C14orf93: variants seen among roughly 807,000 people sequenced by gnomAD.
C14orf93 encodes the protein uncharacterized protein C14orf93.
Under a neutral mutation model 44.0 loss-of-function variants are expected in C14orf93, and 23 were observed. The observed-to-expected ratio is 0.52, with a 90% CI of 0.38 to 0.74. The LOEUF is 0.74. C14orf93 is among the 30% of genes least tolerant of loss of function. The pLI is 0.00. For missense variants in C14orf93, 579 were observed against 678.9 expected (o/e 0.85, Z 1.64); for synonymous variants, 253 against 265.7 (o/e 0.95, Z 0.46).
intron 5 of C14orf93, among the ~76,000 whole-genome samples, chr14:22,989,242 C>T (rs1458080705): frequency 6.6e-6 from 1 of 152,214 alleles, no homozygotes; most frequent in Non-Finnish European, 1.5e-5. Context: ...ATCCTCCTGC[C>T]CTGGCTTCCC....
intron 1 of C14orf93, among the ~76,000 whole-genome samples, chr14:23,000,521 G>T (rs1245077022): frequency 1.3e-5 from 2 of 152,022 alleles, no homozygotes; most frequent in Non-Finnish European, 2.9e-5. Flanking sequence ...TTTGAGACCA[G>T]CCTGACTAAC....
intron 3 of C14orf93, among the ~76,000 whole-genome samples, chr14:22,994,869 A>G (rs1332288449): frequency 6.6e-6 from 1 of 152,108 alleles, no homozygotes; most frequent in Non-Finnish European, 1.5e-5. Flanking sequence ...TGTCGTGTGC[A>G]CTGCAGGATG....
At chr14:23,003,514 G>T (rs1267279088) in intron 1 of C14orf93, among the ~76,000 whole-genome samples, 1 of 152,146 alleles carries the variant, frequency 6.6e-6, no homozygotes, top group Admixed American at 6.6e-5. Context: ...GCTGGGCCAG[G>T]CACGTGGCTT....
chr14:23,003,857 C>CATATATATATATATAT (rs1176882717), intron 1 of C14orf93, among the ~76,000 whole-genome samples: 4 of 19,032 alleles, frequency 2.1e-4, no homozygotes, highest in Non-Finnish European at 3.6e-4. Flanking sequence ...CTAATATATT[C>CATATATATATATATAT]ATATATATAT....
At chr14:22,989,717 T>C (rs1188320407) in intron 5 of C14orf93, 25 bp downstream of exon 5, 2 of 1,487,516 alleles carry the variant, frequency 1.3e-6, no homozygotes, top group Non-Finnish European at 1.9e-6. Context: ...AAGGATGGCA[T>C]AGGAGTTAAA....
At chr14:23,008,165 A>C (rs1336959755) in intron 1 of C14orf93, among the ~76,000 whole-genome samples, 2 of 102,004 alleles carry the variant, frequency 2.0e-5, no homozygotes, top group Admixed American at 1.8e-4. Flanking sequence ...AAAAAAAAAA[A>C]AAAAAAAAAA....
Position 22,998,610 on chromosome 14 carries a change from C to G in C14orf93, c.414G>C (p.Leu138=). 1 of 1,614,218 alleles carries G rather than the reference C, an allele frequency of 6.2e-7. No individual in the cohort carries two copies. The highest frequency in any genetic ancestry group is 8.5e-7 in the Non-Finnish European group (1 of 1,180,024). The change falls in exon 2 of 7, where the codon CTG becomes CTC. Residue 138 remains leucine (L), a synonymous_variant. Coordinates refer to ENST00000299088, the MANE Select transcript of C14orf93 (RefSeq NM_021944.4). ...KESPGEAFKA[L]SAVEEECDSV... is the part of the protein sequence containing the mutation. ...TGTCACACTCCTCTTCCACGGCAGA[C>G]AGAGCCTTAAAGGCTTCCCCGGGAC...
intron 1 of C14orf93, among the ~76,000 whole-genome samples, chr14:23,001,493 C>T (rs1270834527): frequency 6.6e-6 from 1 of 152,176 alleles, no homozygotes; most frequent in African/African-American, 2.4e-5. Flanking sequence ...GAGACGGAGT[C>T]TCGCTCTGTT....
At chr14:22,990,422 C>T (rs1042311222) in intron 3 of C14orf93, among the ~76,000 whole-genome samples, 3 of 152,118 alleles carry the variant, frequency 2.0e-5, no homozygotes, top group African/African-American at 7.2e-5. Flanking sequence ...AACGAGAAAG[C>T]AAGTATACAC....
At chr14:23,009,530 A>G (rs1186061467) in intron 1 of C14orf93, among the ~76,000 whole-genome samples, 1 of 152,238 alleles carries the variant, frequency 6.6e-6, no homozygotes, top group Admixed American at 6.5e-5. Flanking sequence ...TGTGTGAAAG[A>G]CACACTGTAA....
intron 1 of C14orf93, 38 bp downstream of exon 1, chr14:23,010,063 C>G: frequency 6.6e-6 from 1 of 152,096 alleles, no homozygotes; most frequent in South Asian, 2.1e-4. Context: ...TGAAAACACA[C>G]ACAAGATTAA....
In C14orf93 at chr14:22,998,411, C is replaced by A; in HGVS notation, c.597+16G>T. The stretch of plus-strand genomic sequence containing the variant: ...AAAAGCACCTAGGAGGAATAGCCCT[C>A]TGCTGCCATACTCACAGGATTGAGC... On this transcript the variant is annotated intron_variant, in intron 2 of 6. Transcript: ENST00000299088. 1 of 1,514,432 alleles carries A rather than the reference C, an allele frequency of 6.6e-7. No individual in the cohort carries two copies. Among genetic ancestry groups the A allele is most frequent in the Non-Finnish European group, 8.8e-7 (1 of 1,131,122 alleles). The allele number at this position is 1,514,432 out of a possible 1,614,324, so 93.8% of individuals were successfully genotyped here.
At chr14:22,989,520 C>G (rs2045459598) in intron 5 of C14orf93, among the ~76,000 whole-genome samples, 1 of 152,218 alleles carries the variant, frequency 6.6e-6, no homozygotes, top group African/African-American at 2.4e-5. Context: ...CTAGCCCTTT[C>G]CTTCTCTCAT....
intron 3 of C14orf93, among the ~76,000 whole-genome samples, chr14:22,993,545 AAAAAAAC>A (rs1367674106): frequency 7.2e-5 from 11 of 152,308 alleles, no homozygotes; most frequent in African/African-American, 1.4e-4. Context: ...GGAGAGTTTC[AAAAAAAC>A]AAAAAACAAA....
At chr14:22,997,437 A>C (rs550687335) in intron 2 of C14orf93, among the ~76,000 whole-genome samples, 1 of 152,190 alleles carries the variant, frequency 6.6e-6, no homozygotes, top group Admixed American at 6.5e-5. Context: ...GGAGGAGAAA[A>C]AGAGAGGACA....
chr14:22,989,703 G>A (rs748544091), intron 5 of C14orf93, 39 bp downstream of exon 5: 1 of 1,345,104 alleles, frequency 7.4e-7, no homozygotes, highest in Non-Finnish European at 1.1e-6. Context: ...AGGAGAGGGG[G>A]AGAAAGGATG....
At chr14:22,997,750 C>T (rs983850004) in intron 2 of C14orf93, among the ~76,000 whole-genome samples, 1 of 151,942 alleles carries the variant, frequency 6.6e-6, no homozygotes. Context: ...TTACTGTTAA[C>T]AATCAGTTGG....
In C14orf93 at chr14:22,985,905, A is replaced by G. The variant is rs887381658; in HGVS notation, c.*1310T>C. The G allele has an allele frequency of 1.3e-4, 20 of 152,234 alleles. No homozygotes were observed. The highest frequency in any genetic ancestry group is 4.3e-4 in the African/African-American group (18 of 41,456). 9.4% of individuals were successfully genotyped at this position (152,234 alleles called of 1,614,324 possible). A position where few individuals can be genotyped will look rare whatever the true frequency, so the allele number is the denominator to read the frequency against. On this transcript the variant is annotated 3_prime_UTR_variant, in exon 7 of 7. Transcript: ENST00000299088. ...AAGTCGAACCATCGTTGAGTTGGGG[A>G]CTGCCTGTAGGCAAAACCTGTCGTT...
chr14:22,994,358 A>G (rs1205074589), intron 3 of C14orf93, among the ~76,000 whole-genome samples: 1 of 152,040 alleles, frequency 6.6e-6, no homozygotes, highest in African/African-American at 2.4e-5. Flanking sequence ...ACTAAAATAC[A>G]AAATTAGCCA....
Sources: allele counts gnomAD v4.1 joint callset (sites outside exome capture counted in the v4.1 genomes callset), GRCh38; gene constraint gnomAD v4.1.1; transcripts MANE v1.5; gene names NCBI Gene and HGNC (gene_info 2026-07-23, HGNC 2026-07-21).